The following MCU variants were observed in gnomAD, a reference collection of about 807,000 sequenced individuals.
MCU encodes mitochondrial calcium uniporter, also known as calcium uniporter protein, mitochondrial.
A neutral mutation model predicts 45.2 loss-of-function variants in MCU; 12 were observed. That is an observed-to-expected ratio of 0.27 (90% confidence interval 0.17 to 0.43). The LOEUF (loss-of-function observed/expected upper bound fraction) is 0.43, where lower values mean the gene tolerates loss of function less well. MCU is among the 20% of genes least tolerant of loss of function. The pLI is 1.00. For missense variants in MCU, 324 were observed against 436.7 expected, an observed-to-expected ratio of 0.74 and a Z score of 2.30; for synonymous variants, 160 against 165.1, an observed-to-expected ratio of 0.97 and a Z score of 0.24.
chr10:72,692,685 C>G, intron 1 of MCU: 1 of 1,217,222 alleles, frequency 8.2e-7, no homozygotes, highest in Non-Finnish European at 1.0e-6. Flanking sequence ...TCCCCTTTCC[C>G]TCCTCCTCCG....
chr10:72,820,254 C>T (rs960818662), intron 1 of MCU, among the ~76,000 whole-genome samples: 13 of 152,068 alleles, frequency 8.5e-5, no homozygotes, highest in South Asian at 2.1e-4. Flanking sequence ...TAGTATGTGC[C>T]GGGTACCATA....
chr10:72,712,398 CAG>C (rs1842906688), intron 1 of MCU: 1 of 152,168 alleles, frequency 6.6e-6, no homozygotes, highest in Non-Finnish European at 1.5e-5. Flanking sequence ...TGCCACAAAA[CAG>C]TGAGCTCGTG....
chr10:72,818,255 A>T (rs1433750255), intron 1 of MCU, among the ~76,000 whole-genome samples: 2 of 152,204 alleles, frequency 1.3e-5, no homozygotes, highest in African/African-American at 2.4e-5. Flanking sequence ...GTGAGCAGAG[A>T]GAGGCTAAGT....
At chr10:72,701,508 C>T (rs1842757988) in intron 1 of MCU, among the ~76,000 whole-genome samples, 1 of 151,980 alleles carries the variant, frequency 6.6e-6, no homozygotes, top group African/African-American at 2.4e-5. Context: ...CAAGAGATCT[C>T]GACATCCTTC....
chr10:72,759,483 CT>C (rs996122317), intron 1 of MCU, among the ~76,000 whole-genome samples: 2 of 152,084 alleles, frequency 1.3e-5, no homozygotes, highest in African/African-American at 4.8e-5. Context: ...TTAGTTTTTA[CT>C]TTTTCTTTCT....
At chr10:72,770,298 T>G (rs962860671) in intron 1 of MCU, among the ~76,000 whole-genome samples, 6 of 152,168 alleles carry the variant, frequency 3.9e-5, no homozygotes, top group African/African-American at 1.4e-4. Flanking sequence ...ATGTAACATT[T>G]AAATTCCTCT....
At chr10:72,731,017 G>C (rs1843165964) in intron 1 of MCU, 1 of 152,200 alleles carries the variant, frequency 6.6e-6, no homozygotes, top group Non-Finnish European at 1.5e-5. Flanking sequence ...CAAACTCCTA[G>C]GCTCAAGGGA....
intron 1 of MCU, among the ~76,000 whole-genome samples, chr10:72,713,947 T>TTGTGTGTG (rs72292523): frequency 0.022 from 3,027 of 139,050 alleles, 132 homozygotes; most frequent in African/African-American, 0.076. Flanking sequence ...CTTTCATCAT[T>TTGTGTGTG]TGTGTGTGTG....
intron 1 of MCU, chr10:72,712,547 G>A (rs1213822176): frequency 6.6e-6 from 1 of 152,118 alleles, no homozygotes; most frequent in Admixed American, 6.6e-5. Context: ...TCTGCAATTT[G>A]GGTACTATCT....
intron 2 of MCU, among the ~76,000 whole-genome samples, chr10:72,839,777 C>A (rs1845019108): frequency 1.3e-5 from 2 of 150,452 alleles, no homozygotes; most frequent in African/African-American, 2.4e-5. Context: ...CACGGTAAAA[C>A]CCTGTCTCTA....
chr10:72,736,840 C>T (rs888721131), intron 1 of MCU, among the ~76,000 whole-genome samples: 1 of 152,166 alleles, frequency 6.6e-6, no homozygotes, highest in African/African-American at 2.4e-5. Context: ...GGTGGACAAT[C>T]TTGGACATTG....
At chr10:72,861,792 C>A in intron 4 of MCU, 1 of 286,314 alleles carries the variant, frequency 3.5e-6, no homozygotes, top group Non-Finnish European at 6.9e-6. Context: ...TCACCGCACC[C>A]AGCAAGATAA....
At chr10:72,707,608 TGTG>T (rs1444579858) in intron 1 of MCU, among the ~76,000 whole-genome samples, 1 of 35,724 alleles carries the variant, frequency 2.8e-5, no homozygotes, top group African/African-American at 7.8e-5. Flanking sequence ...TGGTGAGTGG[TGTG>T]TGTGTGTGTG....
At chr10:72,830,982 T>C (rs920927096) in intron 1 of MCU, among the ~76,000 whole-genome samples, 1 of 152,198 alleles carries the variant, frequency 6.6e-6, no homozygotes, top group African/African-American at 2.4e-5. Context: ...CTGCAGGAAA[T>C]TTAGCTCTCA....
intron 1 of MCU, among the ~76,000 whole-genome samples, chr10:72,751,170 T>G (rs528581522): frequency 6.6e-6 from 1 of 150,850 alleles, no homozygotes; most frequent in East Asian, 2.0e-4. Flanking sequence ...CTGGCTAATT[T>G]TTTTATATTT....
intron 1 of MCU, among the ~76,000 whole-genome samples, chr10:72,794,896 A>G (rs1426907392): frequency 6.6e-6 from 1 of 152,148 alleles, no homozygotes; most frequent in African/African-American, 2.4e-5. Context: ...AAATATTTTA[A>G]AGGTTCATTC....
intron 2 of MCU, among the ~76,000 whole-genome samples, chr10:72,844,079 A>G (rs907705528): frequency 6.6e-6 from 1 of 152,070 alleles, no homozygotes; most frequent in South Asian, 2.1e-4. Context: ...TGGTAAAACC[A>G]TCTCTACTAA....
chr10:72,754,972 T>C (rs1310604016), intron 1 of MCU, among the ~76,000 whole-genome samples: 1 of 152,184 alleles, frequency 6.6e-6, no homozygotes, highest in African/African-American at 2.4e-5. Flanking sequence ...AACTGTGTTT[T>C]TATGTGGCTC....
intron 1 of MCU, among the ~76,000 whole-genome samples, chr10:72,827,244 A>G (rs1844812491): frequency 6.6e-6 from 1 of 152,178 alleles, no homozygotes; most frequent in Non-Finnish European, 1.5e-5. Flanking sequence ...TTATGTGACA[A>G]TGAGTCCTTT....
Sources: gnomAD v4.1 joint callset for allele counts (sites outside exome capture counted in the v4.1 genomes callset) on GRCh38, gnomAD v4.1.1 for gene constraint, MANE v1.5 for transcripts, NCBI Gene and HGNC (gene_info 2026-07-23, HGNC 2026-07-21) for gene names.